CENPP: variants seen among roughly 807,000 people sequenced by gnomAD.
CENPP encodes the protein centromere protein P.
Under a neutral mutation model 35.6 loss-of-function variants are expected in CENPP, and 24 were observed. The ratio of observed to expected loss-of-function variants is 0.67; its 90% confidence interval spans 0.49 to 0.95. The LOEUF (loss-of-function observed/expected upper bound fraction) is 0.95. Among genes scored for constraint, CENPP ranks in the 40% least tolerant of loss-of-function variants. The probability of loss-of-function intolerance (pLI) is 0.00; values close to 1 mark genes in which losing one functional copy is unlikely to be tolerated. For synonymous variants in CENPP, 120 were observed against 125.5 expected (o/e 0.96, Z 0.29); for missense variants, 332 against 345.3 (o/e 0.96, Z 0.31).
intron 5 of CENPP, chr9:92,512,022 T>A: frequency 6.2e-7 from 1 of 1,612,004 alleles, no homozygotes; most frequent in African/African-American, 1.3e-5. Context: ...TTGAATGCTT[T>A]TGGACCTATG....
At chr9:92,352,505 G>GTGTA in intron 4 of CENPP, among the ~76,000 whole-genome samples, 31 of 49,750 alleles carry the variant, frequency 6.2e-4, no homozygotes, top group African/African-American at 4.2e-3. Context: ...GTGTGTGTGT[G>GTGTA]TATACATATA....
rs773073561 is a variant in CENPP, at chr9:92,619,595, T to C, written c.*6446T>C. On this transcript the variant is annotated 3_prime_UTR_variant, in exon 8 of 8. Coordinates refer to ENST00000375587, the MANE Select transcript of CENPP (RefSeq NM_001012267.3). ...AGGGGCGGGAAAGATCAGCTCCAGGTCACACAGGAAGCCTCTGCCCCCCCA... is the reference window on the plus strand; with the variant it reads ...AGGGGCGGGAAAGATCAGCTCCAGGCCACACAGGAAGCCTCTGCCCCCCCA... 1 of 1,551,586 alleles carries C rather than the reference T, an allele frequency of 6.4e-7. No homozygotes were observed. The highest frequency in any genetic ancestry group is 1.2e-5 in the South Asian group (1 of 84,518).
Position 92,361,338 on chromosome 9 carries a change from G to A in CENPP, c.467+15551G>A, listed in dbSNP as rs934603031. On this transcript the variant is annotated intron_variant, in intron 4 of 7. Coordinates refer to ENST00000375587, the MANE Select transcript of CENPP (RefSeq NM_001012267.3). Reference sequence around the variant, plus strand: ...GTATTGTTAGCAGAGACGGGGTTTCGCCGTATTGGCCAGGCTGGTCTCGAA... The same window carrying A: ...GTATTGTTAGCAGAGACGGGGTTTCACCGTATTGGCCAGGCTGGTCTCGAA... Among the ~76,000 whole-genome samples the A allele has an allele frequency of 9.2e-5, 14 of 151,426 alleles. No individual in the cohort carries two copies. In the South Asian group the frequency reaches 1.7e-3, roughly 18 times the overall value.
At chr9:92,355,074 G>C (rs562569883) in intron 4 of CENPP, among the ~76,000 whole-genome samples, 3 of 152,100 alleles carry the variant, frequency 2.0e-5, no homozygotes, top group African/African-American at 7.2e-5. Context: ...CATGTTCAGC[G>C]GTGCACATAT....
chr9:92,546,432 C>T (rs1849452170), intron 5 of CENPP, among the ~76,000 whole-genome samples: 1 of 152,204 alleles, frequency 6.6e-6, no homozygotes, highest in South Asian at 2.1e-4. Context: ...AGCTGTAACA[C>T]TCATGGGGGA....
intron 4 of CENPP, among the ~76,000 whole-genome samples, chr9:92,371,613 T>A (rs1166656158): frequency 1.3e-5 from 2 of 152,188 alleles, no homozygotes; most frequent in African/African-American, 4.8e-5. Context: ...TCTGTAAATG[T>A]CTGTTAGGTC....
At chr9:92,512,121 AATT>A (rs1847383193) in intron 5 of CENPP, 2 of 1,612,028 alleles carry the variant, frequency 1.2e-6, no homozygotes, top group Non-Finnish European at 1.7e-6. Context: ...GAGGCGATGG[AATT>A]GCCTAGGACA....
At chr9:92,460,532 A>G (rs759331739) in intron 5 of CENPP, 61 of 1,600,610 alleles carry the variant, frequency 3.8e-5, no homozygotes, top group Non-Finnish European at 4.7e-5. Flanking sequence ...ATTTTATTAT[A>G]ATCTAAGTGA....
intron 4 of CENPP, among the ~76,000 whole-genome samples, chr9:92,352,294 G>A (rs559502222): frequency 2.7e-5 from 4 of 150,152 alleles, no homozygotes; most frequent in South Asian, 2.1e-4. Context: ...CGCTTGAACC[G>A]GGGAGGCGGA....
At chr9:92,394,773 T>G (rs1842827973) in intron 5 of CENPP, among the ~76,000 whole-genome samples, 1 of 151,268 alleles carries the variant, frequency 6.6e-6, no homozygotes, top group South Asian at 2.1e-4. Context: ...TCCGGCTAAT[T>G]TTTTTGTATT....
At chr9:92,546,331 G>A (rs1030617468) in intron 5 of CENPP, among the ~76,000 whole-genome samples, 1 of 152,132 alleles carries the variant, frequency 6.6e-6, no homozygotes, top group Non-Finnish European at 1.5e-5. Flanking sequence ...ACCCACCAGA[G>A]GTCCCCTTCC....
Position 92,466,314 on chromosome 9 carries a change from G to GT in CENPP, c.564+86458dup, listed in dbSNP as rs762136374. The GT allele has an allele frequency of 4.7e-6, 6 of 1,265,856 alleles. No homozygotes were observed. The Admixed American group carries it at 1.1e-4, about 23-fold the overall frequency. 78.4% of individuals were successfully genotyped at this position (1,265,856 alleles called of 1,614,324 possible). On this transcript the variant is annotated intron_variant, in intron 5 of 7. Transcript: ENST00000375587. ...ACGATAAAGTGTTCTACATCTGCTT[G>GT]TTTGTTATAATTTCAAGATGTCCCA...
intron 5 of CENPP, among the ~76,000 whole-genome samples, chr9:92,527,574 A>ACT (rs1161617795): frequency 2.0e-5 from 3 of 152,204 alleles, no homozygotes; most frequent in Admixed American, 2.0e-4. Context: ...GATTCTTAGA[A>ACT]GTCTGCTTCA....
chr9:92,416,286 G>T (rs1191726411), intron 5 of CENPP, among the ~76,000 whole-genome samples: 2 of 151,470 alleles, frequency 1.3e-5, no homozygotes, highest in Admixed American at 1.3e-4. Context: ...TTTTGGTAGA[G>T]ATGGGACTTC....
chr9:92,424,218 A>G (rs558135540), intron 5 of CENPP: 26 of 152,306 alleles, frequency 1.7e-4, no homozygotes, highest in Admixed American at 1.2e-3. Flanking sequence ...AATTTGCTTT[A>G]GTTTTCAGGG....
chr9:92,544,696 AT>A (rs1156788492), intron 5 of CENPP, among the ~76,000 whole-genome samples: 2 of 149,852 alleles, frequency 1.3e-5, no homozygotes, highest in East Asian at 3.9e-4. Context: ...GACCAGAGAA[AT>A]TGTTATCACT....
At chr9:92,499,589 A>G (rs1354875056) in intron 5 of CENPP, among the ~76,000 whole-genome samples, 1 of 152,238 alleles carries the variant, frequency 6.6e-6, no homozygotes, top group Non-Finnish European at 1.5e-5. Context: ...GACAAACATT[A>G]GACGCCTTCT....
intron 5 of CENPP, chr9:92,459,829 G>A: frequency 6.6e-7 from 1 of 1,515,950 alleles, no homozygotes; most frequent in Non-Finnish European, 9.0e-7. Context: ...GATAGAGTTA[G>A]CTGAAAACAC....
At chr9:92,467,421 A>T (rs1032066169) in intron 5 of CENPP, among the ~76,000 whole-genome samples, 2 of 152,172 alleles carry the variant, frequency 1.3e-5, no homozygotes, top group Non-Finnish European at 1.5e-5. Context: ...TTCATTGCAA[A>T]ATGAGCATAG....
Sources: gnomAD v4.1 joint callset for allele counts (sites outside exome capture counted in the v4.1 genomes callset) on GRCh38, gnomAD v4.1.1 for gene constraint, MANE v1.5 for transcripts, NCBI Gene and HGNC (gene_info 2026-07-23, HGNC 2026-07-21) for gene names.